ESRRB: variants seen among roughly 807,000 people sequenced by gnomAD.
ESRRB encodes steroid hormone receptor ERR2.
A neutral mutation model predicts 46.0 loss-of-function variants in ESRRB; 16 were observed. The ratio of observed to expected loss-of-function variants is 0.35; its 90% CI spans 0.24 to 0.53. ESRRB has a LOEUF of 0.53. ESRRB is among the 20% of genes least tolerant of loss of function. The probability of loss-of-function intolerance (pLI) is 0.93; values close to 1 mark genes in which losing one functional copy is unlikely to be tolerated. For missense variants in ESRRB, 488 were observed against 607.4 expected, an observed-to-expected ratio of 0.80 and a Z score of 2.07; for synonymous variants, 246 against 259.6, an observed-to-expected ratio of 0.95 and a Z score of 0.50.
chr14:76,451,177 A>C (rs545573643), intron 2 of ESRRB, among the ~76,000 whole-genome samples: 2 of 152,342 alleles, frequency 1.3e-5, no homozygotes, highest in East Asian at 3.9e-4. Flanking sequence ...GGAAAACAGC[A>C]TGGCACTGGA....
At position 76,499,916 on chromosome 14, in the gene ESRRB, T is replaced by C. The variant is rs1890595894; in HGVS notation, c.*1458T>C. 1 of 1,614,142 alleles carries C rather than the reference T, an allele frequency of 6.2e-7. No homozygotes were observed. The highest frequency in any genetic ancestry group is 2.2e-5 in the East Asian group (1 of 44,874). On this transcript the variant is annotated 3_prime_UTR_variant, in exon 7 of 7. Transcript: ENST00000644823. The stretch of plus-strand genomic sequence containing the variant: ...CCAAGGATGAAAGAATGTCAAGCCA[T>C]GATGGAAAATGCCCCTTCCAATCAG...
intron 1 of ESRRB, among the ~76,000 whole-genome samples, chr14:76,437,505 A>G (rs937294872): frequency 1.1e-4 from 17 of 152,202 alleles, no homozygotes; most frequent in Non-Finnish European, 2.2e-4. Flanking sequence ...CCTGCCACCC[A>G]AGAGTCGTCT....
In ESRRB at chr14:76,491,568, G is replaced by T; in HGVS notation, c.972G>T (p.Glu324Asp). 1 of 1,592,670 alleles carries T rather than the reference G, an allele frequency of 6.3e-7. No homozygotes were observed. Among genetic ancestry groups the T allele is most frequent in the East Asian group, 2.3e-5 (1 of 44,206 alleles). The change falls in exon 6 of 7, where the codon GAG becomes GAT. Residue 324 changes from glutamate to aspartate, a missense_variant. Transcript: ENST00000644823. Reference sequence around the variant, plus strand: ...ATGACGACAAGCTGGTGTACGCTGAGGACTACATCATGGATGAGGAGCACT... The same window carrying T: ...ATGACGACAAGCTGGTGTACGCTGATGACTACATCATGGATGAGGAGCACT... ...LPYDDKLVYA[E>D]DYIMDEEHSR...
At chr14:76,366,773 A>T (rs933330378), upstream of ESRRB, among the ~76,000 whole-genome samples, 1 of 152,200 alleles carries the variant, frequency 6.6e-6, no homozygotes, top group African/African-American at 2.4e-5. Flanking sequence ...AGATGACACC[A>T]TTAACCTGAA....
In ESRRB at chr14:76,482,659, C is replaced by A; in HGVS notation, c.750C>A (p.Pro250=). 1 of 1,614,172 alleles carries A rather than the reference C, an allele frequency of 6.2e-7. No homozygotes were observed. Among genetic ancestry groups the A allele is most frequent in the Non-Finnish European group, 8.5e-7 (1 of 1,180,024 alleles). Residue 250 remains proline (P), a synonymous_variant, in exon 5 of 7, where the codon CCC becomes CCA. Transcript: ENST00000644823. This position sits in a 1 kb window ranked among gnomAD's most constrained non-coding sequence, Gnocchi z 4.3. ...CGGACAAGCTCTATGCCATGCCTCC[C>A]CCTGGTATGCCTGAGGGGGACATCA... The part of the protein sequence containing the change: ...AEPDKLYAMP[P]PGMPEGDIKA...
At chr14:76,429,562 C>T (rs1015279359) in intron 1 of ESRRB, among the ~76,000 whole-genome samples, 3 of 152,010 alleles carry the variant, frequency 2.0e-5, no homozygotes, top group African/African-American at 7.2e-5. Context: ...ACCAGCCTGA[C>T]CAACATGGAG....
intron 2 of ESRRB, among the ~76,000 whole-genome samples, chr14:76,451,725 C>A (rs113385541): frequency 1.3e-5 from 2 of 150,418 alleles, no homozygotes; most frequent in Non-Finnish European, 2.9e-5. Context: ...TGGGTTCAAG[C>A]GATTCTTCTG....
At chr14:76,346,251 C>T (rs1171519287) in intron 1 of ESRRB, among the ~76,000 whole-genome samples, 1 of 152,126 alleles carries the variant, frequency 6.6e-6, no homozygotes, top group African/African-American at 2.4e-5. Context: ...CAGATCCTGC[C>T]CTTAAGGTGA....
chr14:76,372,350 C>T (rs111716436), upstream of ESRRB, among the ~76,000 whole-genome samples: 3,332 of 148,848 alleles, frequency 0.022, 123 homozygotes, highest in African/African-American at 0.079. Context: ...CCTATGACAT[C>T]GGCATCCACA....
intron 1 of ESRRB, among the ~76,000 whole-genome samples, chr14:76,406,907 G>A (rs1039242469): frequency 2.6e-5 from 4 of 152,310 alleles, no homozygotes; most frequent in East Asian, 1.9e-4. Context: ...TTACTTGTGC[G>A]TGCTCTGTCT....
At chr14:76,456,708 A>T (rs1888630302) in intron 2 of ESRRB, among the ~76,000 whole-genome samples, 1 of 152,176 alleles carries the variant, frequency 6.6e-6, no homozygotes, top group South Asian at 2.1e-4. Flanking sequence ...CCAGGTAGAC[A>T]CATCAGCAGG....
chr14:76,497,024 C>T (rs1890457544), intron 6 of ESRRB, among the ~76,000 whole-genome samples: 1 of 152,192 alleles, frequency 6.6e-6, no homozygotes, highest in Non-Finnish European at 1.5e-5. Context: ...TGGTCGAAGG[C>T]AGCTGCCAAT....
intron 1 of ESRRB, among the ~76,000 whole-genome samples, chr14:76,405,032 C>A (rs550761786): frequency 6.6e-6 from 1 of 152,138 alleles, no homozygotes; most frequent in South Asian, 2.1e-4. Context: ...TACATAGACA[C>A]GAACTTTAAG....
intron 1 of ESRRB, among the ~76,000 whole-genome samples, chr14:76,347,010 G>C (rs1884258712): frequency 6.6e-6 from 1 of 152,166 alleles, no homozygotes; most frequent in Admixed American, 6.5e-5. Flanking sequence ...GCAGAGCCAG[G>C]CCAAGGCTGG....
intron 5 of ESRRB, among the ~76,000 whole-genome samples, chr14:76,487,885 G>A (rs1279360453): frequency 1.3e-5 from 2 of 152,220 alleles, no homozygotes. Context: ...TTACAGGCGT[G>A]AGCCACCGTG....
At chr14:76,488,569 C>T (rs569020029) in intron 5 of ESRRB, among the ~76,000 whole-genome samples, 2 of 152,330 alleles carry the variant, frequency 1.3e-5, no homozygotes, top group African/African-American at 2.4e-5. Flanking sequence ...AAGCCTGTGG[C>T]ATTTGTCCAT....
chr14:76,383,357 A>G (rs972829124), intron 1 of ESRRB, among the ~76,000 whole-genome samples: 28 of 148,996 alleles, frequency 1.9e-4, no homozygotes, highest in African/African-American at 6.9e-4. Context: ...TTTTTTTGGC[A>G]TTTTCATCTG....
chr14:76,394,796 G>A lies in ESRRB; in HGVS notation c.50+18345G>A, dbSNP rs114906679. The stretch of plus-strand genomic sequence containing the variant: ...GGCAGTGCAGATCAGTGATGTCACT[G>A]TGCCAGTGTCACTGCATACCCACCT... On this transcript the variant is annotated intron_variant, in intron 1 of 6. Coordinates refer to ENST00000644823, the MANE Select transcript of ESRRB (RefSeq NM_001379180.1). 6.8e-3 allele frequency among the ~76,000 whole-genome samples: 1,037 copies of A among 152,348 alleles called. 18 individuals are homozygous for A. Among genetic ancestry groups the A allele is most frequent in the African/African-American group, 0.024 (984 of 41,568 alleles).
intron 1 of ESRRB, among the ~76,000 whole-genome samples, chr14:76,348,981 C>T (rs1356753441): frequency 6.6e-6 from 1 of 152,196 alleles, no homozygotes; most frequent in Non-Finnish European, 1.5e-5. Context: ...AAGGCCTGCT[C>T]GTGAGTCATC....
Sources: allele counts gnomAD v4.1 joint callset (sites outside exome capture counted in the v4.1 genomes callset), GRCh38; gene constraint gnomAD v4.1.1; non-coding constraint Gnocchi (gnomAD v3.1); transcripts MANE v1.5; gene names NCBI Gene and HGNC (gene_info 2026-07-23, HGNC 2026-07-21).